Variants in STOX2 observed in about 807,000 individuals in gnomAD.
STOX2 encodes storkhead-box protein 2.
A neutral mutation model predicts 60.9 loss-of-function variants in STOX2; 28 were observed. The observed-to-expected ratio is 0.46, with a 90% CI of 0.34 to 0.63. STOX2 has a LOEUF of 0.63. Among genes scored for constraint, STOX2 ranks in the 30% least tolerant of loss-of-function variants. The probability of loss-of-function intolerance (pLI) is 0.01; values close to 1 mark genes in which losing one functional copy is unlikely to be tolerated. For synonymous variants in STOX2, 472 were observed against 463.9 expected (o/e 1.02, Z -0.22); for missense variants, 1,024 against 1,187.7 (o/e 0.86, Z 2.03).
intron 1 of STOX2, among the ~76,000 whole-genome samples, chr4:183,814,451 C>T (rs965753655): frequency 4.6e-5 from 7 of 152,122 alleles, no homozygotes; most frequent in Non-Finnish European, 1.0e-4. Flanking sequence ...ATTTTGCGGA[C>T]AAAGACACTG....
chr4:183,798,528 T>C, intron 1 of STOX2: 1 of 749,160 alleles, frequency 1.3e-6, no homozygotes, highest in South Asian at 6.1e-5. Flanking sequence ...CGCCCTTCCC[T>C]GGGCGGCGAC....
In STOX2 at chr4:183,905,946, C is replaced by T. The variant is rs1333189167; in HGVS notation, c.-845C>T. 6.6e-6 allele frequency: 1 copy of T among 152,310 alleles called. No individual in the cohort carries two copies. The highest frequency in any genetic ancestry group is 1.5e-5 in the Non-Finnish European group (1 of 68,122). 9.4% of individuals were successfully genotyped at this position (152,310 alleles called of 1,614,324 possible). ...AGGGGGCACATGCGTGTCGGCGCAC[C>T]CACCCAGCCATCCACCCGCGCGCAC... is the stretch of plus-strand genomic sequence containing the variant. On this transcript the variant is annotated 5_prime_UTR_variant, in exon 1 of 4. Transcript: ENST00000308497.
chr4:183,919,339 C>T (rs1742024924), intron 1 of STOX2, among the ~76,000 whole-genome samples: 1 of 152,236 alleles, frequency 6.6e-6, no homozygotes, highest in Non-Finnish European at 1.5e-5. Flanking sequence ...AAGGCTTCCT[C>T]TCCAGGGCAG....
intron 1 of STOX2, among the ~76,000 whole-genome samples, chr4:183,928,444 G>C (rs891681835): frequency 6.6e-6 from 1 of 152,184 alleles, no homozygotes; most frequent in Non-Finnish European, 1.5e-5. Flanking sequence ...CTTGAGAAAC[G>C]TATCTTTCAG....
At chr4:183,807,015 C>G (rs1174141983) in intron 1 of STOX2, among the ~76,000 whole-genome samples, 5 of 151,950 alleles carry the variant, frequency 3.3e-5, no homozygotes, top group Non-Finnish European at 5.9e-5. Flanking sequence ...CTCTGTCGCC[C>G]AGGCTGGAGT....
At chr4:183,892,654 C>T (rs1372546472) in intron 1 of STOX2, among the ~76,000 whole-genome samples, 4 of 152,092 alleles carry the variant, frequency 2.6e-5, no homozygotes, top group Non-Finnish European at 5.9e-5. Context: ...TCGTAGTTGC[C>T]GAGGTTGTGG....
At chr4:183,866,239 G>C (rs1456821689) in intron 1 of STOX2, among the ~76,000 whole-genome samples, 1 of 152,150 alleles carries the variant, frequency 6.6e-6, no homozygotes, top group East Asian at 1.9e-4. Flanking sequence ...CTTATTTCAA[G>C]AAGATAAGCC....
chr4:183,892,165 T>G (rs1326926941), intron 1 of STOX2, among the ~76,000 whole-genome samples: 1 of 152,212 alleles, frequency 6.6e-6, no homozygotes, highest in Non-Finnish European at 1.5e-5. Context: ...GAGAACTGTG[T>G]CCCTCCGAGA....
chr4:183,998,396 G>A (rs1733437710), intron 1 of STOX2, among the ~76,000 whole-genome samples: 1 of 152,194 alleles, frequency 6.6e-6, no homozygotes, highest in Admixed American at 6.5e-5. Flanking sequence ...GAGTGAGAGA[G>A]AAGGAACTAC....
intron 1 of STOX2, among the ~76,000 whole-genome samples, chr4:183,998,100 G>T (rs1035985415): frequency 5.3e-5 from 8 of 152,110 alleles, no homozygotes; most frequent in African/African-American, 1.7e-4. Flanking sequence ...GAAATAGTCC[G>T]GCCTGCATTT....
intron 1 of STOX2, among the ~76,000 whole-genome samples, chr4:183,912,605 G>A (rs1490237949): frequency 3.9e-5 from 6 of 152,202 alleles, no homozygotes; most frequent in South Asian, 4.2e-4. Flanking sequence ...AGAGTGATTC[G>A]CTCCCACGAC....
intron 1 of STOX2, among the ~76,000 whole-genome samples, chr4:183,959,332 AG>A (rs148979249): frequency 2.0e-5 from 3 of 152,130 alleles, no homozygotes; most frequent in Non-Finnish European, 4.4e-5. Context: ...TCAGGGCGGA[AG>A]GGGGGGTTTT....
chr4:183,993,695 C>A (rs2111209714), intron 1 of STOX2, among the ~76,000 whole-genome samples: 1 of 152,320 alleles, frequency 6.6e-6, no homozygotes, highest in East Asian at 1.9e-4. Flanking sequence ...CGGGCTCAGC[C>A]TTCAACTTTT....
At chr4:183,931,124 A>C (rs539688043) in intron 1 of STOX2, among the ~76,000 whole-genome samples, 1 of 152,132 alleles carries the variant, frequency 6.6e-6, no homozygotes, top group African/African-American at 2.4e-5. Context: ...ACTATAATAT[A>C]TTAATTATGG....
intron 2 of STOX2, among the ~76,000 whole-genome samples, chr4:184,004,980 A>G (rs1253965606): frequency 6.6e-6 from 1 of 152,218 alleles, no homozygotes; most frequent in Non-Finnish European, 1.5e-5. Flanking sequence ...TAATAGATAC[A>G]CTGTGTTCTG....
At chr4:183,852,700 C>T (rs187058023) in intron 1 of STOX2, among the ~76,000 whole-genome samples, 51 of 152,208 alleles carry the variant, frequency 3.4e-4, no homozygotes, top group African/African-American at 9.9e-4. Context: ...CTGCATTTAG[C>T]GGTGGAACTT....
intron 1 of STOX2, among the ~76,000 whole-genome samples, chr4:183,897,567 A>C (rs1370585772): frequency 6.6e-6 from 1 of 152,228 alleles, no homozygotes; most frequent in African/African-American, 2.4e-5. Flanking sequence ...GAAATGAGCA[A>C]CTTTATTCTG....
chr4:184,004,311 A>G (rs1035409273), intron 2 of STOX2, among the ~76,000 whole-genome samples: 26 of 152,182 alleles, frequency 1.7e-4, no homozygotes, highest in Non-Finnish European at 3.5e-4. Context: ...TCCAGCAAAA[A>G]TTTCTGGGTC....
chr4:183,981,783 A>T (rs1191200794), intron 1 of STOX2, among the ~76,000 whole-genome samples: 1 of 152,188 alleles, frequency 6.6e-6, no homozygotes, highest in Non-Finnish European at 1.5e-5. Context: ...TCCAAAGTGC[A>T]CCTGCGGCTG....
Sources: allele counts gnomAD v4.1 joint callset (sites outside exome capture counted in the v4.1 genomes callset), GRCh38; gene constraint gnomAD v4.1.1; transcripts MANE v1.5; gene names NCBI Gene and HGNC (gene_info 2026-07-23, HGNC 2026-07-21).